ARL17A: variants seen among roughly 807,000 people sequenced by gnomAD.
The protein encoded by ARL17A is ADP-ribosylation factor-like 17-like.
At chr17:46,541,290 C>T (rs1197985165) in intron 3 of ARL17A, among the ~76,000 whole-genome samples, 3 of 150,268 alleles carry the variant, frequency 2.0e-5, no homozygotes, top group Non-Finnish European at 4.4e-5. Flanking sequence ...CTCACTCTGT[C>T]GCCCAGGCTG....
In ARL17A at chr17:46,554,074, C is replaced by G. The variant is rs1276217014; in HGVS notation, c.*3282G>C. On this transcript the variant is annotated 3_prime_UTR_variant, in exon 4 of 4. Transcript: ENST00000336125. ...TTTTTTTTTCCCCTGGATCCTAGAACTGAGGAAACACTATTTTCTCATCTT... is the reference window on the plus strand; with the variant it reads ...TTTTTTTTTCCCCTGGATCCTAGAAGTGAGGAAACACTATTTTCTCATCTT... 1 of 988,436 alleles carries G rather than the reference C, an allele frequency of 1.0e-6. No individual in the cohort carries two copies. The highest frequency in any genetic ancestry group is 1.2e-6 in the Non-Finnish European group (1 of 834,478). 61.2% of individuals were successfully genotyped at this position (988,436 alleles called of 1,614,324 possible).
chr17:46,503,303 T>C, the ARL17A span, among the ~76,000 whole-genome samples: 2 of 149,400 alleles, frequency 1.3e-5, no homozygotes, highest in African/African-American at 5.1e-5. Flanking sequence ...TTTTACTTGC[T>C]CATTGTTTTA....
intron 4 of ARL17A, among the ~76,000 whole-genome samples, chr17:46,533,529 T>A (rs1403852558): frequency 2.9e-5 from 4 of 139,944 alleles, no homozygotes; most frequent in Non-Finnish European, 6.0e-5. Flanking sequence ...TGGGACAGAG[T>A]CTCACTCTGT....
chr17:46,542,911 G>A (rs1357215173), intron 3 of ARL17A, among the ~76,000 whole-genome samples: 2 of 149,854 alleles, frequency 1.3e-5, no homozygotes, highest in African/African-American at 2.5e-5. Context: ...ACTCTGCTCC[G>A]TTCATTTTTG....
chr17:46,503,211 CAA>C, the ARL17A span, among the ~76,000 whole-genome samples: 2 of 72,610 alleles, frequency 2.8e-5, no homozygotes. Context: ...GACTCCGTCT[CAA>C]AAAAAAAAAA....
At chr17:46,549,163 C>G (rs778815510), downstream of ARL17A, 1 of 1,611,368 alleles carries the variant, frequency 6.2e-7, no homozygotes. Flanking sequence ...CGCAAACAGG[C>G]TTCCATTCTC....
At chr17:46,529,588 G>T (rs576095457) in intron 4 of ARL17A, among the ~76,000 whole-genome samples, 1 of 75,402 alleles carries the variant, frequency 1.3e-5, no homozygotes, top group East Asian at 2.6e-4. Context: ...CAGGCAGATC[G>T]CTTGAGCCCC....
chr17:46,541,454 G>A (rs1490238019), intron 3 of ARL17A, among the ~76,000 whole-genome samples: 2 of 149,170 alleles, frequency 1.3e-5, no homozygotes, highest in Non-Finnish European at 2.9e-5. Context: ...GTTTCGCCAT[G>A]TTGGCCAGGG....
At chr17:46,517,166 C>G in exon 4 of ARL17A, 1 of 800,838 alleles carries the variant, frequency 1.2e-6, no homozygotes, top group Non-Finnish European at 1.8e-6. Context: ...CAGGAGATGC[C>G]TCATCATTTG....
rs1355324802 is a variant in ARL17A, at chr17:46,552,965, G to A, written c.*4391C>T. Among the ~76,000 whole-genome samples, 5 of 142,528 alleles carry A rather than the reference G, an allele frequency of 3.5e-5. No homozygotes were observed. Among genetic ancestry groups the A allele is most frequent in the African/African-American group, 1.1e-4 (4 of 35,650 alleles). The allele number at this position is 142,528 out of a possible 152,430, so 93.5% of individuals were successfully genotyped here. On this transcript the variant is annotated 3_prime_UTR_variant, in exon 4 of 4. Transcript: ENST00000336125. Reference sequence around the variant, plus strand: ...AGCTACTCAAGAGGCTGAGGTGGGCGGATCACTGGAGCCCAGGAGGTTGAG... The same window carrying A: ...AGCTACTCAAGAGGCTGAGGTGGGCAGATCACTGGAGCCCAGGAGGTTGAG...
At chr17:46,532,314 T>C (rs1169135186) in intron 4 of ARL17A, among the ~76,000 whole-genome samples, 1 of 150,372 alleles carries the variant, frequency 6.7e-6, no homozygotes, top group African/African-American at 2.5e-5. Context: ...CCGTTGAATT[T>C]GGTTTGCCAG....
intron 3 of ARL17A, among the ~76,000 whole-genome samples, chr17:46,541,783 A>G (rs1357294423): frequency 6.6e-6 from 1 of 151,058 alleles, no homozygotes; most frequent in Non-Finnish European, 1.5e-5. Flanking sequence ...TTAGGTACTT[A>G]GAGTATACCT....
chr17:46,532,821 T>G (rs1457648485), intron 4 of ARL17A, among the ~76,000 whole-genome samples: 1 of 149,638 alleles, frequency 6.7e-6, no homozygotes, highest in Non-Finnish European at 1.5e-5. Flanking sequence ...TCTGTATTTT[T>G]GCAGTGCAGT....
chr17:46,522,486 C>T (rs2052402950), intron 3 of ARL17A, among the ~76,000 whole-genome samples: 1 of 120,380 alleles, frequency 8.3e-6, no homozygotes, highest in African/African-American at 3.3e-5. Context: ...GCTCTGTCGC[C>T]CAGGCTGGAG....
At chr17:46,543,881 C>A (rs1167688995) in intron 3 of ARL17A, among the ~76,000 whole-genome samples, 3 of 149,196 alleles carry the variant, frequency 2.0e-5, no homozygotes, top group Admixed American at 2.0e-4. Context: ...CTTTGGGAGG[C>A]CAAAGAGAGA....
Position 46,553,338 on chromosome 17 carries a change from A to AC in ARL17A, c.*4017dup. The AC allele has an allele frequency of 6.2e-7, 1 of 1,608,294 alleles. No homozygotes were observed. The highest frequency in any genetic ancestry group is 8.5e-7 in the Non-Finnish European group (1 of 1,179,604). ...CTTATAATGAATAAAAGGAATCAATACAGATTTGGAGACGGTGGTTGTTGT... is the reference window on the plus strand; with the variant it reads ...CTTATAATGAATAAAAGGAATCAATACCAGATTTGGAGACGGTGGTTGTTGT... On this transcript the variant is annotated 3_prime_UTR_variant, in exon 4 of 4. Transcript: ENST00000336125.
chr17:46,539,768 C>CAAAAAAAAAAAAAAAA (rs1204528686), intron 3 of ARL17A, among the ~76,000 whole-genome samples: 1 of 67,026 alleles, frequency 1.5e-5, no homozygotes. Flanking sequence ...GACTCCATCT[C>CAAAAAAAAAAAAAAAA]AAAAAAAAAA....
At chr17:46,504,572 A>G in the ARL17A span, 2 of 25,828 alleles carry the variant, frequency 7.7e-5, no homozygotes, top group Non-Finnish European at 1.2e-4. Context: ...TTGCCATCCT[A>G]TGATTGCAGG....
chr17:46,569,156 C>T (rs2057631212), intron 3 of ARL17A, among the ~76,000 whole-genome samples: 1 of 151,628 alleles, frequency 6.6e-6, no homozygotes, highest in East Asian at 1.9e-4. Flanking sequence ...CCATGTTGGC[C>T]AGGCTGGTCT....
Sources: allele counts gnomAD v4.1 joint callset (sites outside exome capture counted in the v4.1 genomes callset), GRCh38; gene constraint gnomAD v4.1.1; transcripts MANE v1.5; gene names NCBI Gene and HGNC (gene_info 2026-07-23, HGNC 2026-07-21).